Variants in PRKG1 observed in about 807,000 individuals in gnomAD.
PRKG1 encodes cGMP-dependent protein kinase 1.
PRKG1 carries 35 observed loss-of-function variants against 88.1 expected under a neutral mutation model. That is an observed-to-expected ratio of 0.40 (90% CI 0.30 to 0.53). PRKG1 has a LOEUF of 0.53. Ranked by LOEUF, PRKG1 falls within the 20% of genes least tolerant of loss-of-function variation. The pLI, the probability that PRKG1 is intolerant of heterozygous loss-of-function variation, is 0.59. For missense variants in PRKG1, 540 were observed against 839.8 expected, an observed-to-expected ratio of 0.64 and a Z score of 4.41; for synonymous variants, 303 against 292.5, an observed-to-expected ratio of 1.04 and a Z score of -0.37.
chr10:51,350,253 A>G (rs1218191733), intron 2 of PRKG1, among the ~76,000 whole-genome samples: 1 of 152,218 alleles, frequency 6.6e-6, no homozygotes, highest in Admixed American at 6.5e-5. Flanking sequence ...GACTGACCTA[A>G]TGACAAGGCC....
chr10:51,455,585 C>A (rs1291326215), intron 2 of PRKG1, among the ~76,000 whole-genome samples: 1 of 152,340 alleles, frequency 6.6e-6, no homozygotes, highest in African/African-American at 2.4e-5. Context: ...TCATCTCCCT[C>A]AAGTTCAAAG....
chr10:51,424,720 A>C (rs990004758), intron 2 of PRKG1, among the ~76,000 whole-genome samples: 6 of 152,142 alleles, frequency 3.9e-5, no homozygotes, highest in Admixed American at 6.5e-5. Context: ...GATCTATCTT[A>C]GTGTTTATAT....
At chr10:51,056,766 T>C (rs1376380978) in intron 1 of PRKG1, among the ~76,000 whole-genome samples, 2 of 152,174 alleles carry the variant, frequency 1.3e-5, no homozygotes, top group Non-Finnish European at 2.9e-5. Flanking sequence ...CTGTCTCCTA[T>C]CTGCCTTTCA....
In PRKG1 at chr10:51,698,466, G is replaced by T. The variant is rs866839962; in HGVS notation, c.593-106119G>T. 6 of 1,614,084 alleles carry T rather than the reference G, an allele frequency of 3.7e-6. No homozygotes were observed. Among genetic ancestry groups the T allele is most frequent in the East Asian group, 2.2e-5 (1 of 44,842 alleles). On this transcript the variant is annotated intron_variant, in intron 3 of 17. Transcript: ENST00000373980. ...TGACCAGAGGCATGATGCATGGGGG[G>T]ACCCTGATGGGGTGGACCCAGATAA...
intron 4 of PRKG1, among the ~76,000 whole-genome samples, chr10:51,864,486 C>T (rs79701593): frequency 0.081 from 12,287 of 152,264 alleles, 590 homozygotes; most frequent in Middle Eastern, 0.12. Context: ...TTGACTCTCA[C>T]GTAGTAATTG....
At chr10:51,604,608 C>T (rs961552246) in intron 3 of PRKG1, among the ~76,000 whole-genome samples, 11 of 152,186 alleles carry the variant, frequency 7.2e-5, no homozygotes, top group Admixed American at 1.3e-4. Flanking sequence ...TTATCCAAAA[C>T]GATTTCACAG....
At chr10:52,192,880 C>T (rs1839401997) in intron 9 of PRKG1, among the ~76,000 whole-genome samples, 1 of 151,470 alleles carries the variant, frequency 6.6e-6, no homozygotes, top group South Asian at 2.1e-4. Context: ...TTTTTTTTCA[C>T]CCAAGCAATT....
At chr10:51,099,384 G>GACACACACACACAC (rs71459403) in intron 1 of PRKG1, among the ~76,000 whole-genome samples, 170 of 148,894 alleles carry the variant, frequency 1.1e-3, no homozygotes, top group Admixed American at 2.8e-3. Flanking sequence ...CAGCATTCAA[G>GACACACACACACAC]ACACACACAC....
intron 1 of PRKG1, among the ~76,000 whole-genome samples, chr10:51,038,987 A>C (rs988449658): frequency 3.9e-5 from 6 of 152,234 alleles, no homozygotes; most frequent in Non-Finnish European, 5.9e-5. Context: ...TATATGCAAA[A>C]ACAGGCTTGA....
intron 6 of PRKG1, among the ~76,000 whole-genome samples, chr10:52,057,812 C>T (rs965582563): frequency 2.1e-4 from 32 of 151,762 alleles, no homozygotes; most frequent in African/African-American, 7.0e-4. Context: ...AAAAGTGTTC[C>T]GTTATGGAAA....
At chr10:51,983,792 G>T (rs1423158874) in intron 5 of PRKG1, among the ~76,000 whole-genome samples, 4 of 152,202 alleles carry the variant, frequency 2.6e-5, no homozygotes, top group Non-Finnish European at 5.9e-5. Flanking sequence ...AGAAGCCCAT[G>T]GCGAGAAGAG....
chr10:51,104,556 G>A (rs76781198), intron 1 of PRKG1, among the ~76,000 whole-genome samples: 4,397 of 152,176 alleles, frequency 0.029, 162 homozygotes, highest in African/African-American at 0.083. Context: ...GTTTCACTCT[G>A]TAGCCCAGGC....
chr10:51,400,936 T>G (rs1366467963), intron 2 of PRKG1, among the ~76,000 whole-genome samples: 2 of 152,190 alleles, frequency 1.3e-5, no homozygotes, highest in Non-Finnish European at 2.9e-5. Context: ...AATGAGAAGT[T>G]TGCTACATCT....
chr10:51,103,119 C>T (rs745774491), intron 1 of PRKG1, among the ~76,000 whole-genome samples: 4 of 122,142 alleles, frequency 3.3e-5, no homozygotes, highest in Non-Finnish European at 7.2e-5. Context: ...GAACAAATGG[C>T]TAAATATTCA....
chr10:52,088,218 T>G (rs1336454637), intron 7 of PRKG1, among the ~76,000 whole-genome samples: 3 of 152,046 alleles, frequency 2.0e-5, no homozygotes, highest in Non-Finnish European at 2.9e-5. Context: ...TTTAAAAATT[T>G]GAAAAACTTC....
intron 4 of PRKG1, among the ~76,000 whole-genome samples, chr10:51,839,803 G>C (rs1385611036): frequency 6.6e-6 from 1 of 152,158 alleles, no homozygotes; most frequent in East Asian, 1.9e-4. Context: ...CCAGTCCCAT[G>C]AGGGCTGCCC....
chr10:51,344,369 A>G (rs1192866053), intron 2 of PRKG1, among the ~76,000 whole-genome samples: 1 of 152,178 alleles, frequency 6.6e-6, no homozygotes, highest in African/African-American at 2.4e-5. Flanking sequence ...ATTCCACCTC[A>G]ATGATCCAAA....
chr10:52,175,878 T>C (rs886451238), intron 9 of PRKG1, among the ~76,000 whole-genome samples: 2 of 152,168 alleles, frequency 1.3e-5, no homozygotes, highest in African/African-American at 2.4e-5. Context: ...GAGTTCCTTG[T>C]GTATTTTGGA....
intron 4 of PRKG1, among the ~76,000 whole-genome samples, chr10:51,811,088 G>A (rs147534907): frequency 1.3e-5 from 2 of 152,222 alleles, no homozygotes; most frequent in African/African-American, 2.4e-5. Flanking sequence ...AAAAAACAGA[G>A]CTTAGACTAA....
Sources: allele counts gnomAD v4.1 joint callset (sites outside exome capture counted in the v4.1 genomes callset), GRCh38; gene constraint gnomAD v4.1.1; transcripts MANE v1.5; gene names NCBI Gene and HGNC (gene_info 2026-07-23, HGNC 2026-07-21).